The following KALRN variants were observed in gnomAD, a reference collection of about 807,000 sequenced individuals.
The protein encoded by KALRN is kalirin.
Under a neutral mutation model 353.7 loss-of-function variants are expected in KALRN, and 70 were observed. That is an observed-to-expected ratio of 0.20 (90% confidence interval 0.16 to 0.24). KALRN has a LOEUF of 0.24. KALRN is among the 10% of genes least tolerant of loss of function. KALRN has a pLI of 1.00. For missense variants in KALRN, 2,791 were observed against 3,756.7 expected (o/e 0.74, Z 6.72); for synonymous variants, 1,391 against 1,434.8 (o/e 0.97, Z 0.69).
chr3:124,612,313 C>G (rs559214498), intron 34 of KALRN, among the ~76,000 whole-genome samples: 1 of 152,238 alleles, frequency 6.6e-6, no homozygotes, highest in Non-Finnish European at 1.5e-5. Flanking sequence ...AAGCAATTCT[C>G]CTGCCTCAGC....
chr3:124,701,424 G>A (rs1267027869), intron 56 of KALRN, among the ~76,000 whole-genome samples: 4 of 112,030 alleles, frequency 3.6e-5, no homozygotes, highest in African/African-American at 7.3e-5. Context: ...GTCTCGCTCT[G>A]TCTCCCAGGC....
Position 124,699,814 on chromosome 3 carries a change from G to A in KALRN, c.7832-55G>A, listed in dbSNP as rs922352768. 9 of 1,559,880 alleles carry A rather than the reference G, an allele frequency of 5.8e-6. No homozygotes were observed. The African/African-American group carries it at 1.2e-4, about 21-fold the overall frequency. ...CTGTCTTTGTTTGCTGAAGGTCTTT[G>A]AAACAATATCCCTTTGGCTTTTCTC... On this transcript the variant is annotated intron_variant, in intron 55 of 59. Coordinates refer to ENST00000682506, the MANE Select transcript of KALRN (RefSeq NM_001388419.1).
intron 10 of KALRN, among the ~76,000 whole-genome samples, chr3:124,368,919 G>A (rs1036319760): frequency 6.6e-6 from 1 of 152,084 alleles, no homozygotes; most frequent in African/African-American, 2.4e-5. Context: ...GCGTGGTGGC[G>A]CGTGCCTGCA....
chr3:124,086,536 T>C (rs934963557), intron 1 of KALRN, among the ~76,000 whole-genome samples: 2 of 152,192 alleles, frequency 1.3e-5, no homozygotes, highest in African/African-American at 4.8e-5. Flanking sequence ...TAACTTTTTC[T>C]TAATGGTTTC....
chr3:124,393,259 C>A (rs2089722864), intron 11 of KALRN, among the ~76,000 whole-genome samples: 1 of 152,206 alleles, frequency 6.6e-6, no homozygotes. Context: ...AACCACTGTG[C>A]CTGGCCCCTG....
At chr3:124,593,876 C>T (rs985991111) in intron 34 of KALRN, among the ~76,000 whole-genome samples, 1 of 152,164 alleles carries the variant, frequency 6.6e-6, no homozygotes, top group Non-Finnish European at 1.5e-5. Flanking sequence ...CATTCCCCTG[C>T]CAAACGAGGT....
intron 1 of KALRN, among the ~76,000 whole-genome samples, chr3:124,120,670 C>G (rs1315125646): frequency 6.8e-6 from 1 of 146,352 alleles, no homozygotes; most frequent in Non-Finnish European, 1.5e-5. Context: ...AGAAGAATCC[C>G]TACTTTTCAA....
chr3:124,511,260 G>A (rs556202996), intron 33 of KALRN, among the ~76,000 whole-genome samples: 7 of 152,206 alleles, frequency 4.6e-5, no homozygotes, highest in South Asian at 2.1e-4. Context: ...TGTTCCTAGC[G>A]CTTGCCTTTC....
intron 1 of KALRN, among the ~76,000 whole-genome samples, chr3:124,047,724 C>T (rs939717762): frequency 2.5e-4 from 37 of 150,714 alleles, no homozygotes; most frequent in Admixed American, 4.0e-4. Flanking sequence ...AGGATGGTCT[C>T]GATTTCCTGA....
At chr3:124,136,547 G>T (rs1457582864) in intron 1 of KALRN, among the ~76,000 whole-genome samples, 1 of 152,178 alleles carries the variant, frequency 6.6e-6, no homozygotes, top group Non-Finnish European at 1.5e-5. Context: ...TAGCAAATAG[G>T]CTGGCTCTAG....
intron 1 of KALRN, among the ~76,000 whole-genome samples, chr3:124,035,154 C>T (rs2039300027): frequency 6.6e-6 from 1 of 152,154 alleles, no homozygotes; most frequent in African/African-American, 2.4e-5. Context: ...AGGTCTAAGC[C>T]TTCTTTCCTT....
intron 1 of KALRN, among the ~76,000 whole-genome samples, chr3:124,049,301 T>C (rs1489891621): frequency 6.6e-6 from 1 of 152,156 alleles, no homozygotes; most frequent in Non-Finnish European, 1.5e-5. Context: ...ACTCCAAGGA[T>C]GTCATTCGGG....
chr3:124,384,649 C>T (rs2087921023), intron 10 of KALRN, 196 bp from the exon 11 acceptor site: 1 of 492,574 alleles, frequency 2.0e-6, no homozygotes, highest in African/African-American at 1.9e-5. Flanking sequence ...GATGAGGCAC[C>T]TAGCTGGTGC....
At chr3:124,431,556 A>G (rs186341849) in intron 16 of KALRN, among the ~76,000 whole-genome samples, 103 of 152,312 alleles carry the variant, frequency 6.8e-4, no homozygotes, top group Non-Finnish European at 2.9e-4. Flanking sequence ...CGTGGGAACT[A>G]TATTAAAAAT....
At chr3:124,636,771 T>G (rs900265342) in intron 36 of KALRN, among the ~76,000 whole-genome samples, 10 of 152,166 alleles carry the variant, frequency 6.6e-5, no homozygotes, top group African/African-American at 1.9e-4. Context: ...CTGTTTCCCT[T>G]TTTTGGACAC....
intron 10 of KALRN, among the ~76,000 whole-genome samples, chr3:124,357,899 C>T (rs1471590855): frequency 2.6e-5 from 4 of 152,172 alleles, no homozygotes; most frequent in African/African-American, 4.8e-5. Context: ...TGCTATGGAA[C>T]GAATGCCTTT....
chr3:124,302,957 C>T (rs2077385759), intron 6 of KALRN, among the ~76,000 whole-genome samples: 1 of 152,188 alleles, frequency 6.6e-6, no homozygotes, highest in Non-Finnish European at 1.5e-5. Context: ...TTTAAACACC[C>T]TATCTTCACA....
chr3:124,630,718 T>C (rs1410297119), intron 34 of KALRN, among the ~76,000 whole-genome samples: 4 of 152,200 alleles, frequency 2.6e-5, no homozygotes, highest in African/African-American at 9.7e-5. Context: ...CATAGAGTTA[T>C]ACGGAGAATG....
intron 33 of KALRN, among the ~76,000 whole-genome samples, chr3:124,539,222 C>T (rs1353370799): frequency 6.6e-6 from 1 of 152,182 alleles, no homozygotes; most frequent in Non-Finnish European, 1.5e-5. Flanking sequence ...AAAAAATCTA[C>T]TTACCACCCT....
Sources: gnomAD v4.1 joint callset for allele counts (sites outside exome capture counted in the v4.1 genomes callset) on GRCh38, gnomAD v4.1.1 for gene constraint, MANE v1.5 for transcripts, NCBI Gene and HGNC (gene_info 2026-07-23, HGNC 2026-07-21) for gene names.